Variants in CDK5RAP2 observed in about 807,000 individuals in gnomAD.
CDK5RAP2 encodes CDK5 regulatory subunit associated protein 2, also known as CDK5 regulatory subunit-associated protein 2.
In CDK5RAP2, 147 loss-of-function variants were observed where a neutral mutation model predicts 232.9. That is an observed-to-expected ratio of 0.63 (90% CI 0.55 to 0.72). The LOEUF is 0.72. Among genes scored for constraint, CDK5RAP2 ranks in the 30% least tolerant of loss-of-function variants. The pLI is 0.00. For missense variants in CDK5RAP2, 2,195 were observed against 2,231.5 expected (o/e 0.98, Z 0.33); for synonymous variants, 833 against 833.7 (o/e 1.00, Z 0.01).
intron 3 of CDK5RAP2, among the ~76,000 whole-genome samples, chr9:120,564,037 T>C (rs1009590834): frequency 6.6e-6 from 1 of 152,068 alleles, no homozygotes; most frequent in African/African-American, 2.4e-5. Context: ...TGGCTAAGAG[T>C]TCTTTCAATT....
intron 12 of CDK5RAP2, among the ~76,000 whole-genome samples, chr9:120,497,440 A>AAAAAAAAAAAAAAAAAAAAAAT (rs2039356064): frequency 6.9e-6 from 1 of 144,910 alleles, no homozygotes; most frequent in Non-Finnish European, 1.5e-5. Context: ...AAAAAAAAAA[A>AAAAAAAAAAAAAAAAAAAAAAT]AAAAAAAAAA....
Position 120,402,882 on chromosome 9 carries a change from C to T in CDK5RAP2, c.5231G>A (p.Gly1744Glu). 1.9e-6 allele frequency: 3 copies of T among 1,614,102 alleles called. No homozygotes were observed. The highest frequency in any genetic ancestry group is 2.5e-6 in the Non-Finnish European group (3 of 1,180,010). Reference protein sequence around the residue: ...YEALLKQISQGQRLLAEMDIQ... With the variant: ...YEALLKQISQEQRLLAEMDIQ... ...GTCCATTTCAGCAAGGAGCCTCTGT[C>T]CCTGGCTGATCTGTTTGAGCAGGGC... Residue 1744 changes from glycine to glutamate, a missense_variant, in exon 34 of 38, where the codon GGA becomes GAA. Transcript: ENST00000349780.
intron 20 of CDK5RAP2, among the ~76,000 whole-genome samples, chr9:120,457,756 G>A (rs537762530): frequency 2.0e-5 from 3 of 152,224 alleles, no homozygotes; most frequent in Non-Finnish European, 2.9e-5. Flanking sequence ...TATTGAACAC[G>A]CATCACACCA....
chr9:120,455,556 C>A (rs1315830065), intron 20 of CDK5RAP2, among the ~76,000 whole-genome samples: 1 of 151,856 alleles, frequency 6.6e-6, no homozygotes. Flanking sequence ...GACTGGGCAA[C>A]ATGGTGAAAC....
intron 14 of CDK5RAP2, among the ~76,000 whole-genome samples, chr9:120,485,654 T>C (rs182810312): frequency 2.7e-4 from 41 of 152,350 alleles, no homozygotes; most frequent in African/African-American, 9.4e-4. Flanking sequence ...AATGAAGATA[T>C]TTCCAACTAA....
chr9:120,428,628 CA>C (rs1319577582), intron 25 of CDK5RAP2, among the ~76,000 whole-genome samples: 2 of 152,124 alleles, frequency 1.3e-5, no homozygotes, highest in Non-Finnish European at 2.9e-5. Flanking sequence ...GCTTACCAAC[CA>C]AAAAGAGTCC....
chr9:120,494,706 A>G (rs987967334), intron 12 of CDK5RAP2, among the ~76,000 whole-genome samples: 1 of 151,994 alleles, frequency 6.6e-6, no homozygotes, highest in African/African-American at 2.4e-5. Context: ...GAAAAAGAAA[A>G]TAACAACTAG....
chr9:120,518,736 A>T, intron 11 of CDK5RAP2, 91 bp from the exon 12 acceptor site: 1 of 974,262 alleles, frequency 1.0e-6, no homozygotes, highest in Non-Finnish European at 1.6e-6. Flanking sequence ...CCGTGGGGGA[A>T]AAAAAGAAAA....
chr9:120,442,734 G>A (rs1224746261), intron 23 of CDK5RAP2, among the ~76,000 whole-genome samples: 1 of 152,160 alleles, frequency 6.6e-6, no homozygotes, highest in Non-Finnish European at 1.5e-5. Context: ...TTATTGCCTG[G>A]TAGAGTAGCT....
chr9:120,517,670 C>T (rs1232045104), intron 12 of CDK5RAP2: 1 of 153,876 alleles, frequency 6.5e-6, no homozygotes. Flanking sequence ...CCTAGAGAAA[C>T]CTGATATAAT....
intron 2 of CDK5RAP2, among the ~76,000 whole-genome samples, chr9:120,571,572 C>T (rs984952814): frequency 6.6e-6 from 1 of 152,236 alleles, no homozygotes; most frequent in African/African-American, 2.4e-5. Flanking sequence ...TGCGGGGCCT[C>T]AGCCGGCAAA....
intron 12 of CDK5RAP2, chr9:120,517,766 G>A (rs1363582738): frequency 2.1e-5 from 5 of 238,550 alleles, no homozygotes; most frequent in Admixed American, 1.9e-4. Flanking sequence ...CCTCTATCAG[G>A]AACAATCAGT....
intron 12 of CDK5RAP2, among the ~76,000 whole-genome samples, chr9:120,518,165 CTGTGTGTGTGTGTGTGTG>C (rs56032707): frequency 2.7e-5 from 3 of 111,182 alleles, no homozygotes; most frequent in Non-Finnish European, 5.4e-5. Flanking sequence ...GATAACAACT[CTGTGTGTGTGTGTGTGTG>C]TGTGTGTGTG....
chr9:120,389,958 T>A (rs1214995567), intron 36 of CDK5RAP2, 171 bp from the exon 37 acceptor site: 12 of 678,644 alleles, frequency 1.8e-5, no homozygotes, highest in Non-Finnish European at 3.3e-5. Context: ...ACCTGACCCA[T>A]CACAAACCCC....
intron 11 of CDK5RAP2, among the ~76,000 whole-genome samples, chr9:120,520,349 T>C (rs1051210888): frequency 8.5e-5 from 13 of 152,048 alleles, no homozygotes; most frequent in African/African-American, 2.9e-4. Flanking sequence ...GAAGATTAAA[T>C]ATGATACTCA....
chr9:120,525,864 G>A (rs917221355), intron 10 of CDK5RAP2, among the ~76,000 whole-genome samples: 4 of 151,930 alleles, frequency 2.6e-5, no homozygotes, highest in African/African-American at 7.3e-5. Context: ...GCGATCCTCC[G>A]ACCTCAGCCT....
Position 120,441,539 on chromosome 9 carries a change from T to C in CDK5RAP2, c.3149-1567A>G, listed in dbSNP as rs1027133905. 5.9e-5 allele frequency among the ~76,000 whole-genome samples: 9 copies of C among 152,208 alleles called. No individual in the cohort carries two copies. In the East Asian group the frequency reaches 1.5e-3, roughly 26 times the overall value. On this transcript the variant is annotated intron_variant, in intron 23 of 37. Transcript: ENST00000349780. Reference sequence around the variant, plus strand: ...AGATGCCCTTCACCGGAGGCGTGCGTGCGAAGGCCAGCCTGGAAAAATGCT... The same window carrying C: ...AGATGCCCTTCACCGGAGGCGTGCGCGCGAAGGCCAGCCTGGAAAAATGCT...
chr9:120,422,127 T>C (rs774826457), intron 26 of CDK5RAP2, among the ~76,000 whole-genome samples: 1 of 152,214 alleles, frequency 6.6e-6, no homozygotes, highest in Non-Finnish European at 1.5e-5. Context: ...TATGTCCAAG[T>C]GCTACAGCAA....
In CDK5RAP2 at chr9:120,415,575, T is replaced by C. The variant is rs1254576014; in HGVS notation, c.4178-416A>G. Among the ~76,000 whole-genome samples the C allele has an allele frequency of 6.6e-5, 10 of 152,350 alleles. No individual in the cohort carries two copies. In the East Asian group the frequency reaches 1.9e-3, roughly 29 times the overall value. ...TAATGAATCCAGATATTTTCGAGACTAATTTTTTGAAAGGAATATGTTATC... is the reference window on the plus strand; with the variant it reads ...TAATGAATCCAGATATTTTCGAGACCAATTTTTTGAAAGGAATATGTTATC... On this transcript the variant is annotated intron_variant, in intron 27 of 37. Coordinates refer to ENST00000349780, the MANE Select transcript of CDK5RAP2 (RefSeq NM_018249.6).
Sources: gnomAD v4.1 joint callset for allele counts (sites outside exome capture counted in the v4.1 genomes callset) on GRCh38, gnomAD v4.1.1 for gene constraint, MANE v1.5 for transcripts, NCBI Gene and HGNC (gene_info 2026-07-23, HGNC 2026-07-21) for gene names.